The following LARGE1 variants were observed in gnomAD, a reference collection of about 807,000 sequenced individuals.
The protein encoded by LARGE1 is LARGE xylosyl- and glucuronyltransferase 1.
A neutral mutation model predicts 87.6 loss-of-function variants in LARGE1; 43 were observed. The observed-to-expected ratio is 0.49, with a 90% CI of 0.38 to 0.63. The LOEUF is 0.63. Ranked by LOEUF, LARGE1 falls within the 30% of genes least tolerant of loss-of-function variation. The pLI is 0.00. For synonymous variants in LARGE1, 434 were observed against 394.6 expected (o/e 1.10, Z -1.18); for missense variants, 802 against 1,000.2 (o/e 0.80, Z 2.67).
intron 6 of LARGE1, among the ~76,000 whole-genome samples, chr22:33,436,148 C>T (rs2067263447): frequency 6.6e-6 from 1 of 152,170 alleles, no homozygotes; most frequent in Admixed American, 6.5e-5. Flanking sequence ...CTGCCACCTT[C>T]TAGCTGCGTA....
intron 11 of LARGE1, among the ~76,000 whole-genome samples, chr22:33,230,874 G>C (rs1353213605): frequency 2.0e-5 from 3 of 152,198 alleles, no homozygotes; most frequent in African/African-American, 7.2e-5. Flanking sequence ...CAAGAGAGTA[G>C]GTGTCCAACT....
intron 1 of LARGE1, among the ~76,000 whole-genome samples, chr22:33,773,875 T>A (rs575299332): frequency 6.6e-6 from 1 of 152,314 alleles, no homozygotes; most frequent in East Asian, 1.9e-4. Flanking sequence ...TTAATAGGAC[T>A]AAAATAAATT....
chr22:33,077,993 T>C, the LARGE1 span, among the ~76,000 whole-genome samples: 1 of 152,180 alleles, frequency 6.6e-6, no homozygotes, highest in African/African-American at 2.4e-5. Context: ...GAACTGCATG[T>C]ACTATTTGCA....
At chr22:33,607,657 A>T (rs1311239697) in intron 4 of LARGE1, among the ~76,000 whole-genome samples, 2 of 152,130 alleles carry the variant, frequency 1.3e-5, no homozygotes, top group Non-Finnish European at 2.9e-5. Context: ...TTGGAGGAGG[A>T]CAGTGAGTCT....
intron 1 of LARGE1, among the ~76,000 whole-genome samples, chr22:33,810,893 T>C (rs5754688): frequency 0.25 from 37,693 of 152,028 alleles, 4,906 homozygotes; most frequent in East Asian, 0.41. Flanking sequence ...CTAGCTAATT[T>C]TTGTATTTTT....
chr22:33,410,554 A>G (rs2267202), intron 7 of LARGE1, among the ~76,000 whole-genome samples: 102,947 of 151,872 alleles, frequency 0.68, 36,187 homozygotes, highest in African/African-American at 0.85. Flanking sequence ...TGTGAAGAAG[A>G]TCCTTGCTTC....
chr22:33,187,684 C>T (rs556935212), intron 11 of LARGE1, among the ~76,000 whole-genome samples: 7 of 151,730 alleles, frequency 4.6e-5, no homozygotes, highest in African/African-American at 1.7e-4. Flanking sequence ...TTTGGGAGGC[C>T]GAGGCAGGCA....
the LARGE1 span, among the ~76,000 whole-genome samples, chr22:33,082,792 G>A: frequency 6.6e-6 from 1 of 152,168 alleles, no homozygotes; most frequent in Non-Finnish European, 1.5e-5. Flanking sequence ...TTGGGAGGCT[G>A]AGGTGGGTGG....
intron 5 of LARGE1, among the ~76,000 whole-genome samples, chr22:33,581,033 A>G (rs2148870065): frequency 6.6e-6 from 1 of 152,372 alleles, no homozygotes. Flanking sequence ...ATGCATGTGC[A>G]GCATTTTCTC....
At chr22:33,641,415 A>C (rs1187711047) in intron 3 of LARGE1, among the ~76,000 whole-genome samples, 1 of 152,240 alleles carries the variant, frequency 6.6e-6, no homozygotes, top group Non-Finnish European at 1.5e-5. Flanking sequence ...AAATCTACGA[A>C]GATGAAGAAA....
chr22:33,382,995 C>A (rs2065207115), intron 8 of LARGE1, among the ~76,000 whole-genome samples: 1 of 152,178 alleles, frequency 6.6e-6, no homozygotes, highest in South Asian at 2.1e-4. Flanking sequence ...TGCAGGGTTT[C>A]TTGTTTCCTC....
the LARGE1 span, among the ~76,000 whole-genome samples, chr22:33,136,441 C>A: frequency 1.3e-5 from 2 of 152,156 alleles, no homozygotes; most frequent in African/African-American, 2.4e-5. Context: ...GGAGAAACCA[C>A]CCCCATGATT....
chr22:33,682,712 G>A (rs930176509), intron 2 of LARGE1, among the ~76,000 whole-genome samples: 13 of 152,200 alleles, frequency 8.5e-5, no homozygotes, highest in African/African-American at 2.9e-4. Flanking sequence ...AACACACACA[G>A]TGGCTGGCAT....
At chr22:33,403,044 T>C (rs915170782) in intron 7 of LARGE1, among the ~76,000 whole-genome samples, 1 of 144,314 alleles carries the variant, frequency 6.9e-6, no homozygotes. Context: ...GCTATGGCTG[T>C]AAAAAACAAA....
At chr22:33,852,858 A>G (rs2063639938) in intron 1 of LARGE1, among the ~76,000 whole-genome samples, 1 of 89,024 alleles carries the variant, frequency 1.1e-5, no homozygotes, top group Non-Finnish European at 2.2e-5. Context: ...TCCGTCTCCA[A>G]AAAAAAAAAA....
chr22:33,825,514 T>C (rs1423504445), intron 1 of LARGE1, among the ~76,000 whole-genome samples: 1 of 151,872 alleles, frequency 6.6e-6, no homozygotes, highest in African/African-American at 2.4e-5. Flanking sequence ...AACATGTCCT[T>C]CTTCACATGG....
At chr22:33,418,511 A>G (rs537471336) in intron 7 of LARGE1, among the ~76,000 whole-genome samples, 2 of 152,272 alleles carry the variant, frequency 1.3e-5, no homozygotes, top group South Asian at 4.1e-4. Flanking sequence ...TATAAATCAG[A>G]GTAAAGGGAT....
At chr22:33,334,787 T>C (rs1057507079) in intron 10 of LARGE1, among the ~76,000 whole-genome samples, 9 of 152,232 alleles carry the variant, frequency 5.9e-5, no homozygotes, top group Non-Finnish European at 1.2e-4. Flanking sequence ...GCTGTTAAGC[T>C]TCAGGCCACT....
intron 2 of LARGE1, among the ~76,000 whole-genome samples, chr22:33,722,346 G>GA (rs1471257053): frequency 1.5e-5 from 2 of 132,414 alleles, no homozygotes; most frequent in African/African-American, 5.7e-5. Flanking sequence ...GGAGAGGAGA[G>GA]GAGGGAGAGG....
Sources: allele counts gnomAD v4.1 joint callset (sites outside exome capture counted in the v4.1 genomes callset), GRCh38; gene constraint gnomAD v4.1.1; transcripts MANE v1.5; gene names NCBI Gene and HGNC (gene_info 2026-07-23, HGNC 2026-07-21).